The following M1AP variants were observed in gnomAD, a reference collection of about 807,000 sequenced individuals.
The protein encoded by M1AP is meiosis 1 associated protein.
Under a neutral mutation model 51.2 loss-of-function variants are expected in M1AP, and 39 were observed. The ratio of observed to expected loss-of-function variants is 0.76; its 90% CI spans 0.59 to 1.00. The LOEUF (loss-of-function observed/expected upper bound fraction) is 1.00. Ranked by LOEUF, M1AP falls within the 50% of genes least tolerant of loss-of-function variation. M1AP has a pLI of 0.00. For missense variants in M1AP, 545 were observed against 641.2 expected, an observed-to-expected ratio of 0.85 and a Z score of 1.62; for synonymous variants, 251 against 249.2, an observed-to-expected ratio of 1.01 and a Z score of -0.07.
chr2:74,584,609 C>T (rs1000700024), intron 4 of M1AP, among the ~76,000 whole-genome samples: 1 of 151,378 alleles, frequency 6.6e-6, no homozygotes, highest in Admixed American at 6.6e-5. Flanking sequence ...GACACTCCTA[C>T]CACAGGCAAT....
intron 1 of M1AP, among the ~76,000 whole-genome samples, chr2:74,643,681 C>G (rs1009268089): frequency 6.6e-6 from 1 of 151,572 alleles, no homozygotes; most frequent in African/African-American, 2.4e-5. Context: ...GCAACCTCCA[C>G]CTCCCAGGCT....
At chr2:74,589,903 T>C (rs144862741) in intron 4 of M1AP, among the ~76,000 whole-genome samples, 10 of 152,352 alleles carry the variant, frequency 6.6e-5, no homozygotes, top group Admixed American at 2.0e-4. Flanking sequence ...CTGGGCCACA[T>C]TGGAAGAATT....
At chr2:74,599,362 T>G (rs980502681) in intron 4 of M1AP, among the ~76,000 whole-genome samples, 5 of 152,108 alleles carry the variant, frequency 3.3e-5, no homozygotes, top group Non-Finnish European at 5.9e-5. Flanking sequence ...GAAAATTTTC[T>G]CCTATGCTTT....
intron 4 of M1AP, among the ~76,000 whole-genome samples, chr2:74,591,803 T>C (rs1017241319): frequency 2.6e-5 from 4 of 152,270 alleles, no homozygotes; most frequent in South Asian, 2.1e-4. Flanking sequence ...TTTATTTTTT[T>C]GAGACAGAGT....
intron 7 of M1AP, among the ~76,000 whole-genome samples, chr2:74,568,739 G>A (rs1287637124): frequency 6.6e-6 from 1 of 152,200 alleles, no homozygotes; most frequent in African/African-American, 2.4e-5. Flanking sequence ...AGTGATTAGA[G>A]GTGGGACCTT....
chr2:74,563,239 G>T (rs935500138), intron 7 of M1AP, among the ~76,000 whole-genome samples: 1 of 152,084 alleles, frequency 6.6e-6, no homozygotes, highest in Non-Finnish European at 1.5e-5. Flanking sequence ...AAGATAGATA[G>T]ATGATTGATA....
intron 2 of M1AP, among the ~76,000 whole-genome samples, chr2:74,639,111 C>A (rs1310052073): frequency 3.3e-5 from 5 of 152,288 alleles, no homozygotes; most frequent in African/African-American, 1.2e-4. Context: ...TCTGTCAAAG[C>A]AACCAGGGTA....
chr2:74,643,101 AT>A (rs539576662), intron 1 of M1AP, among the ~76,000 whole-genome samples: 9 of 151,966 alleles, frequency 5.9e-5, no homozygotes, highest in Non-Finnish European at 1.0e-4. Context: ...AACTTTTTGG[AT>A]TTTTTTTGTT....
chr2:74,565,606 A>G, intron 7 of M1AP, among the ~76,000 whole-genome samples: 1 of 152,088 alleles, frequency 6.6e-6, no homozygotes, highest in South Asian at 2.1e-4. Context: ...AGGTGGGTGG[A>G]TCACAAGGTC....
In M1AP at chr2:74,646,022, C is replaced by T. The variant is rs74635623; in HGVS notation, c.-53+2243G>A. Among the ~76,000 whole-genome samples the T allele has an allele frequency of 4.8e-3, 735 of 152,244 alleles. 8 individuals carry two copies. The highest frequency in any genetic ancestry group is 0.013 in the South Asian group (65 of 4,828). On this transcript the variant is annotated intron_variant, in intron 1 of 10. Coordinates refer to ENST00000421985, the MANE Select transcript of M1AP (RefSeq NM_001321739.2). ...AAGTAGTATCTAGCTCTTTAGTTCACGAATTACTAGTTATCAGTATCAATA... is the reference window on the plus strand; with the variant it reads ...AAGTAGTATCTAGCTCTTTAGTTCATGAATTACTAGTTATCAGTATCAATA...
chr2:74,602,360 A>G (rs1285945265), intron 4 of M1AP, among the ~76,000 whole-genome samples: 1 of 152,204 alleles, frequency 6.6e-6, no homozygotes, highest in Non-Finnish European at 1.5e-5. Flanking sequence ...CTGGCCATTA[A>G]AAACAAATCT....
At chr2:74,622,524 C>A (rs1288138241) in intron 2 of M1AP, among the ~76,000 whole-genome samples, 2 of 150,182 alleles carry the variant, frequency 1.3e-5, no homozygotes, top group Non-Finnish European at 3.0e-5. Context: ...CGTGAGCCAC[C>A]GCGCCCGGCC....
intron 4 of M1AP, among the ~76,000 whole-genome samples, chr2:74,596,182 A>G (rs1214587626): frequency 2.0e-5 from 3 of 152,228 alleles, no homozygotes; most frequent in Non-Finnish European, 4.4e-5. Flanking sequence ...GATGATCAGA[A>G]TAGACATAAA....
At position 74,558,481 on chromosome 2, in the gene M1AP, T is replaced by C; in HGVS notation, c.*235A>G. 2.0e-6 allele frequency: 1 copy of C among 500,664 alleles called. No individual in the cohort carries two copies. Among genetic ancestry groups the C allele is most frequent in the Non-Finnish European group, 3.5e-6 (1 of 288,044 alleles). 31.0% of individuals were successfully genotyped at this position (500,664 alleles called of 1,614,324 possible). A position where few individuals can be genotyped will look rare whatever the true frequency, so the allele number is the denominator to read the frequency against. On this transcript the variant is annotated 3_prime_UTR_variant, in exon 11 of 11. Coordinates refer to ENST00000421985, the MANE Select transcript of M1AP (RefSeq NM_001321739.2). ...CTTCACCTGTGTAAACAGTAGCAAA[T>C]GATTCTAAAGAAAATGAAAGTCCTT...
rs112712908 is a variant in M1AP, at chr2:74,627,417, A to G, written c.241-12268T>C. Among the ~76,000 whole-genome samples the G allele has an allele frequency of 6.1e-3, 926 of 152,282 alleles. 7 individuals are homozygous for G. The highest frequency in any genetic ancestry group is 0.021 in the African/African-American group (874 of 41,578). The stretch of plus-strand genomic sequence containing the variant: ...GTGGATTCTCTTGGGCTTTCTGGAT[A>G]ATCAAATAATCCGCAAATAACAATT... On this transcript the variant is annotated intron_variant, in intron 2 of 10. Coordinates refer to ENST00000421985, the MANE Select transcript of M1AP (RefSeq NM_001321739.2).
In M1AP at chr2:74,575,528, G is replaced by T. The variant is rs1679008322; in HGVS notation, c.984C>A (p.Phe328Leu). 2 of 1,614,172 alleles carry T rather than the reference G, an allele frequency of 1.2e-6. No individual in the cohort carries two copies. Among genetic ancestry groups the T allele is most frequent in the African/African-American group, 2.7e-5 (2 of 75,052 alleles). The change falls in exon 7 of 11, where the codon TTC becomes TTA. Residue 328 changes from phenylalanine (F) to leucine (L), a missense_variant. By Grantham distance (22) the Phe-to-Leu change is conservative. Transcript: ENST00000421985. ...LCESLTYGLP[F>L]ILRPTSCWQL... Reference sequence around the variant, plus strand: ...GCCAACAGCTTGTAGGTCTGAGGATGAACGGGAGTCCATATGTCAATGACT... The same window carrying T: ...GCCAACAGCTTGTAGGTCTGAGGATTAACGGGAGTCCATATGTCAATGACT...
intron 5 of M1AP, among the ~76,000 whole-genome samples, chr2:74,577,164 T>TG (rs1414363374): frequency 3.3e-5 from 5 of 152,010 alleles, no homozygotes; most frequent in African/African-American, 1.2e-4. Flanking sequence ...ACATTCAGAG[T>TG]GGGGGGAAAG....
chr2:74,586,999 T>C (rs1453721007), intron 4 of M1AP, among the ~76,000 whole-genome samples: 1 of 148,162 alleles, frequency 6.7e-6, no homozygotes, highest in East Asian at 2.0e-4. Context: ...CGAAACTCCA[T>C]TTCAAAAAAA....
At chr2:74,643,279 C>T (rs1345345630) in intron 1 of M1AP, among the ~76,000 whole-genome samples, 1 of 151,966 alleles carries the variant, frequency 6.6e-6, no homozygotes, top group Non-Finnish European at 1.5e-5. Context: ...TAGTATATTT[C>T]CACATACAGC....
Sources: gnomAD v4.1 joint callset for allele counts (sites outside exome capture counted in the v4.1 genomes callset) on GRCh38, gnomAD v4.1.1 for gene constraint, MANE v1.5 for transcripts, NCBI Gene and HGNC (gene_info 2026-07-23, HGNC 2026-07-21) for gene names.